The following IL23R variants were observed in gnomAD, a reference collection of about 807,000 sequenced individuals.
The protein encoded by IL23R is interleukin-23 receptor.
IL23R carries 34 observed loss-of-function variants against 56.9 expected under a neutral mutation model. That is an observed-to-expected ratio of 0.60 (90% CI 0.45 to 0.80). The LOEUF (loss-of-function observed/expected upper bound fraction) is 0.80. Among genes scored for constraint, IL23R ranks in the 30% least tolerant of loss-of-function variants. IL23R has a pLI of 0.00. For missense variants in IL23R, 635 were observed against 730.0 expected, an observed-to-expected ratio of 0.87 and a Z score of 1.50; for synonymous variants, 230 against 249.2, an observed-to-expected ratio of 0.92 and a Z score of 0.73.
chr1:67,170,969 G>A (rs10889665), intron 3 of IL23R, among the ~76,000 whole-genome samples: 127,068 of 152,186 alleles, frequency 0.83, 53,528 homozygotes, highest in East Asian at 1. Context: ...AGGTTTTGGA[G>A]TCAAAGAATA....
chr1:67,141,947 A>G (rs985747653), intron 1 of IL23R, among the ~76,000 whole-genome samples: 6 of 152,232 alleles, frequency 3.9e-5, no homozygotes, highest in African/African-American at 1.4e-4. Flanking sequence ...AAAGACAGTT[A>G]TTCAATTAAG....
intron 6 of IL23R, among the ~76,000 whole-genome samples, chr1:67,211,521 G>C (rs898505523): frequency 6.6e-6 from 1 of 152,040 alleles, no homozygotes; most frequent in African/African-American, 2.4e-5. Flanking sequence ...TACTCAGAAG[G>C]CTGAGGCAAG....
rs11465814 is a variant in IL23R, at chr1:67,239,321, C to T, written c.1046-858C>T. ...CTCTGTCGCCCAGGCTGGAGTGCAG[C>T]GGCACGACCTCAGCTCACTGCAACC... On this transcript the variant is annotated intron_variant, in intron 8 of 10. Transcript: ENST00000347310. Among the ~76,000 whole-genome samples the T allele has an allele frequency of 7.2e-3, 1,092 of 152,248 alleles. 15 individuals carry two copies. Among genetic ancestry groups the T allele is most frequent in the African/African-American group, 0.025 (1,033 of 41,554 alleles).
At chr1:67,249,360 G>C (rs1471326936) in intron 9 of IL23R, among the ~76,000 whole-genome samples, 1 of 152,102 alleles carries the variant, frequency 6.6e-6, no homozygotes, top group Non-Finnish European at 1.5e-5. Flanking sequence ...CTTTCTAAAA[G>C]ATACCATATT....
At position 67,259,342 on chromosome 1, in the gene IL23R, G is replaced by T. The variant is rs1055452614; in HGVS notation, c.*214G>T. The T allele has an allele frequency of 3.6e-6, 2 of 552,842 alleles. No homozygotes were observed. The highest frequency in any genetic ancestry group is 6.5e-6 in the Non-Finnish European group (2 of 309,792). 34.2% of individuals were successfully genotyped at this position (552,842 alleles called of 1,614,324 possible). On this transcript the variant is annotated 3_prime_UTR_variant, in exon 11 of 11. Transcript: ENST00000347310. ...CATATGTTTCAGTTCTACCAATCTT[G>T]TTTCCAGAGTAGTGACATTTCTGTG...
At chr1:67,185,014 T>C (rs1458655973) in intron 4 of IL23R, among the ~76,000 whole-genome samples, 1 of 152,154 alleles carries the variant, frequency 6.6e-6, no homozygotes, top group Non-Finnish European at 1.5e-5. Context: ...AAGCAGAGAG[T>C]GAGCCCTCAC....
intron 7 of IL23R, among the ~76,000 whole-genome samples, chr1:67,234,368 G>C (rs900614215): frequency 1.3e-5 from 2 of 152,132 alleles, no homozygotes; most frequent in African/African-American, 4.8e-5. Context: ...TAATGCACCT[G>C]TTTGATTTGG....
At chr1:67,187,907 A>ATTC (rs1647460559) in intron 4 of IL23R, among the ~76,000 whole-genome samples, 1 of 151,942 alleles carries the variant, frequency 6.6e-6, no homozygotes, top group East Asian at 1.9e-4. Flanking sequence ...CTCTACTAAG[A>ATTC]ATACAAAAAT....
At chr1:67,163,555 C>T (rs115661977), upstream of IL23R, among the ~76,000 whole-genome samples, 2,874 of 150,678 alleles carry the variant, frequency 0.019, 86 homozygotes, top group African/African-American at 0.066. Flanking sequence ...GGAGGTTAGG[C>T]CTAGTGGGAG....
In IL23R at chr1:67,219,659, G is replaced by A; in HGVS notation, c.884G>A (p.Arg295Lys). ...AACATTAAGTACGTATTTCAAGTGA[G>A]ATGTCAAGAAACAGGCAAAAGGTAC... Reference protein sequence around the residue: ...EPNIKYVFQVRCQETGKRYWQ... With the variant: ...EPNIKYVFQVKCQETGKRYWQ... Residue 295 changes from arginine (R) to lysine (K), a missense_variant, in exon 7 of 11, where the codon AGA becomes AAA. Transcript: ENST00000347310. 6.2e-7 allele frequency: 1 copy of A among 1,614,078 alleles called. No homozygotes were observed. The highest frequency in any genetic ancestry group is 1.1e-5 in the South Asian group (1 of 91,084).
chr1:67,201,030 T>A, intron 5 of IL23R, 133 bp downstream of exon 5: 1 of 855,304 alleles, frequency 1.2e-6, no homozygotes, highest in South Asian at 1.7e-5. Flanking sequence ...AAATTACCCA[T>A]AATTCTACCT....
At chr1:67,242,421 G>C (rs1431671995) in intron 9 of IL23R, among the ~76,000 whole-genome samples, 1 of 151,992 alleles carries the variant, frequency 6.6e-6, no homozygotes, top group East Asian at 1.9e-4. Flanking sequence ...TGTTCATAGA[G>C]GCATAAGCAA....
chr1:67,228,041 T>TTCTTTCTC (rs1650804120), intron 7 of IL23R, among the ~76,000 whole-genome samples: 1 of 55,580 alleles, frequency 1.8e-5, no homozygotes, highest in African/African-American at 9.1e-5. Flanking sequence ...TTTTCTTTCT[T>TTCTTTCTC]TCTCTTTCTT....
intron 6 of IL23R, among the ~76,000 whole-genome samples, chr1:67,217,014 G>A (rs1649886943): frequency 6.6e-6 from 1 of 152,186 alleles, no homozygotes; most frequent in Admixed American, 6.5e-5. Flanking sequence ...GGTTACCAAG[G>A]ACCCTCTCAT....
At chr1:67,255,742 G>A in intron 9 of IL23R, 95 bp from the exon 10 acceptor site, 1 of 704,676 alleles carries the variant, frequency 1.4e-6, no homozygotes, top group South Asian at 1.5e-5. Context: ...CCCGACCTAG[G>A]AAATTTGATT....
intron 3 of IL23R, among the ~76,000 whole-genome samples, chr1:67,172,201 T>C (rs1646952485): frequency 6.6e-6 from 1 of 152,214 alleles, no homozygotes; most frequent in Non-Finnish European, 1.5e-5. Flanking sequence ...TTTGAGGGTT[T>C]TGTGGCATTC....
intron 9 of IL23R, among the ~76,000 whole-genome samples, chr1:67,252,249 G>C (rs1033903869): frequency 5.3e-5 from 8 of 151,800 alleles, no homozygotes; most frequent in African/African-American, 1.9e-4. Flanking sequence ...CTACCTAAGT[G>C]TGCAAGAAAA....
intron 1 of IL23R, among the ~76,000 whole-genome samples, chr1:67,144,063 A>G (rs1646660186): frequency 6.6e-6 from 1 of 152,214 alleles, no homozygotes; most frequent in Admixed American, 6.5e-5. Flanking sequence ...ATGATGACAA[A>G]TATTGATAAT....
At chr1:67,165,373 C>T (rs111505201), upstream of IL23R, among the ~76,000 whole-genome samples, 174 of 152,202 alleles carry the variant, frequency 1.1e-3, no homozygotes, top group African/African-American at 3.8e-3. Context: ...TAAATTGGTA[C>T]AGTTATCATG....
Sources: gnomAD v4.1 joint callset for allele counts (sites outside exome capture counted in the v4.1 genomes callset) on GRCh38, gnomAD v4.1.1 for gene constraint, MANE v1.5 for transcripts, NCBI Gene and HGNC (gene_info 2026-07-23, HGNC 2026-07-21) for gene names.